Variants in ST8SIA5 observed in about 807,000 individuals in gnomAD.
ST8SIA5 encodes ST8 alpha-N-acetyl-neuraminide alpha-2,8-sialyltransferase 5, also known as alpha-2,8-sialyltransferase 8E.
In ST8SIA5, 24 loss-of-function variants were observed where a neutral mutation model predicts 40.2. That is an observed-to-expected ratio of 0.60 (90% confidence interval 0.43 to 0.84). The LOEUF (loss-of-function observed/expected upper bound fraction) is 0.84, where lower values mean the gene tolerates loss of function less well. Among genes scored for constraint, ST8SIA5 ranks in the 40% least tolerant of loss-of-function variants. ST8SIA5 has a pLI of 0.00. For missense variants in ST8SIA5, 465 were observed against 498.5 expected (o/e 0.93, Z 0.64); for synonymous variants, 198 against 201.8 (o/e 0.98, Z 0.16).
Position 46,688,809 on chromosome 18 carries a change from TG to T in ST8SIA5, c.421del (p.His141ThrfsTer26). 1 of 1,613,590 alleles carries T rather than the reference TG, an allele frequency of 6.2e-7. No individual in the cohort carries two copies. The highest frequency in any genetic ancestry group is 8.5e-7 in the Non-Finnish European group (1 of 1,179,830). On this transcript the variant is annotated frameshift_variant, in exon 4 of 7. Coordinates refer to ENST00000315087, the MANE Select transcript of ST8SIA5 (RefSeq NM_013305.6). LOFTEE classifies it high-confidence loss of function. ...CATGCGGAAGATCTCCTGGTTGATG[TG>T]GTAGATGCCACTGGTGTCCACCTCA... is the stretch of plus-strand genomic sequence containing the variant. ...KYEVDTSGIY[H>X]INQEIFRMFP...
chr18:46,728,376 C>A (rs940633508), intron 1 of ST8SIA5, among the ~76,000 whole-genome samples: 13 of 152,214 alleles, frequency 8.5e-5, no homozygotes, highest in African/African-American at 3.1e-4. Flanking sequence ...GCGTAGCTAT[C>A]CATTCACAGT....
At chr18:46,746,773 C>CAAAAA in intron 1 of ST8SIA5, among the ~76,000 whole-genome samples, 1 of 149,936 alleles carries the variant, frequency 6.7e-6, no homozygotes, top group African/African-American at 2.5e-5. Context: ...CAATCCTAAG[C>CAAAAA]AAAAAAAAAC....
At chr18:46,744,517 A>G (rs1051531274) in intron 1 of ST8SIA5, among the ~76,000 whole-genome samples, 1 of 152,222 alleles carries the variant, frequency 6.6e-6, no homozygotes, top group Non-Finnish European at 1.5e-5. Flanking sequence ...AGAGCTAACT[A>G]TCCTAAATAG....
intron 1 of ST8SIA5, among the ~76,000 whole-genome samples, chr18:46,718,336 A>AG (rs1172579866): frequency 6.6e-6 from 1 of 151,642 alleles, no homozygotes; most frequent in Non-Finnish European, 1.5e-5. Context: ...TCTCAAAAAA[A>AG]AAAAAAAAAG....
At chr18:46,751,361 G>GATTT (rs35587275) in intron 1 of ST8SIA5, among the ~76,000 whole-genome samples, 45 of 150,896 alleles carry the variant, frequency 3.0e-4, no homozygotes, top group East Asian at 9.8e-4. Flanking sequence ...AAGTAGAATG[G>GATTT]ATTTATTTAT....
chr18:46,744,691 A>G (rs1221592701), intron 1 of ST8SIA5, among the ~76,000 whole-genome samples: 1 of 152,206 alleles, frequency 6.6e-6, no homozygotes, highest in African/African-American at 2.4e-5. Context: ...CCAGGACTTG[A>G]ACTCAGCTCT....
chr18:46,744,287 A>G (rs1366515883), intron 1 of ST8SIA5, among the ~76,000 whole-genome samples: 7 of 152,240 alleles, frequency 4.6e-5, no homozygotes, highest in Admixed American at 4.6e-4. Flanking sequence ...ATAAAGAGTC[A>G]AGACCCATCA....
In ST8SIA5 at chr18:46,680,441, C is replaced by T. The variant is rs914704045; in HGVS notation, c.732G>A (p.Val244=). The T allele has an allele frequency of 6.2e-7, 1 of 1,611,348 alleles. No individual in the cohort carries two copies. Among genetic ancestry groups the T allele is most frequent in the Non-Finnish European group, 8.5e-7 (1 of 1,178,686 alleles). The change falls in exon 7 of 7, where the codon GTG becomes GTA. Residue 244 remains valine (V), a synonymous_variant. Transcript: ENST00000315087. ...RVLQVYENAS[V]LLPAFYNTRN... ...GCGTGTTGTAGAAGGCAGGCAGCAG[C>T]ACCGACGCGTTCTCGTACACCTGCA...
At chr18:46,731,525 G>A (rs1180903909) in intron 1 of ST8SIA5, among the ~76,000 whole-genome samples, 2 of 152,206 alleles carry the variant, frequency 1.3e-5, no homozygotes, top group African/African-American at 2.4e-5. Flanking sequence ...TGTGGAGGGC[G>A]AGGACTCCAA....
At chr18:46,714,279 C>G (rs62097203) in intron 1 of ST8SIA5, among the ~76,000 whole-genome samples, 1 of 152,002 alleles carries the variant, frequency 6.6e-6, no homozygotes, top group Admixed American at 6.5e-5. Flanking sequence ...TGAGCATCCC[C>G]TAATCTAATG....
chr18:46,696,806 C>A (rs2039560961), intron 2 of ST8SIA5, among the ~76,000 whole-genome samples: 1 of 152,056 alleles, frequency 6.6e-6, no homozygotes, highest in Non-Finnish European at 1.5e-5. Context: ...AGGTACAAGC[C>A]CATAGATGAA....
At chr18:46,698,954 G>A (rs1013421805) in intron 2 of ST8SIA5, among the ~76,000 whole-genome samples, 4 of 152,218 alleles carry the variant, frequency 2.6e-5, no homozygotes, top group African/African-American at 9.6e-5. Flanking sequence ...AGTTGATGGA[G>A]TCCTGGTGCC....
chr18:46,724,138 C>G (rs2039891104), intron 1 of ST8SIA5, among the ~76,000 whole-genome samples: 1 of 152,220 alleles, frequency 6.6e-6, no homozygotes, highest in African/African-American at 2.4e-5. Context: ...CCTTCAAAGT[C>G]TTTGACTGCA....
At chr18:46,699,786 A>G (rs897081348) in intron 2 of ST8SIA5, among the ~76,000 whole-genome samples, 4 of 152,146 alleles carry the variant, frequency 2.6e-5, no homozygotes, top group African/African-American at 9.7e-5. Flanking sequence ...ATAGGGCCAG[A>G]CTCAGAGATG....
intron 2 of ST8SIA5, among the ~76,000 whole-genome samples, chr18:46,698,281 CA>C (rs1285773641): frequency 6.6e-6 from 1 of 150,844 alleles, no homozygotes; most frequent in Admixed American, 6.6e-5. Context: ...CCAATCAAAC[CA>C]ACAACCCAAC....
chr18:46,683,202 G>A (rs2039415118), intron 5 of ST8SIA5, among the ~76,000 whole-genome samples: 1 of 152,170 alleles, frequency 6.6e-6, no homozygotes, highest in Non-Finnish European at 1.5e-5. Flanking sequence ...GAGGTAGAAT[G>A]GGAAGGAGCA....
chr18:46,752,248 G>A (rs1018599683), intron 1 of ST8SIA5, among the ~76,000 whole-genome samples: 5 of 152,016 alleles, frequency 3.3e-5, no homozygotes, highest in South Asian at 2.1e-4. Context: ...TTTCTCTGGC[G>A]CCTCCTCCTT....
chr18:46,721,431 G>C (rs954024335), intron 1 of ST8SIA5: 2 of 1,535,976 alleles, frequency 1.3e-6, no homozygotes, highest in Non-Finnish European at 1.7e-6. Context: ...CGTCCAATTG[G>C]TCAGCTGGTC....
chr18:46,750,745 C>T (rs779472970), intron 1 of ST8SIA5, among the ~76,000 whole-genome samples: 1 of 152,154 alleles, frequency 6.6e-6, no homozygotes. Context: ...CCTCGGCTTC[C>T]AGAGCCAGCT....
Sources: gnomAD v4.1 joint callset for allele counts (sites outside exome capture counted in the v4.1 genomes callset) on GRCh38, gnomAD v4.1.1 for gene constraint, MANE v1.5 for transcripts, NCBI Gene and HGNC (gene_info 2026-07-23, HGNC 2026-07-21) for gene names.